The following CSMD1 variants were observed in gnomAD, a reference collection of about 807,000 sequenced individuals.
CSMD1 encodes CUB and sushi domain-containing protein 1.
In CSMD1, 213 loss-of-function variants were observed where a neutral mutation model predicts 417.5. That is an observed-to-expected ratio of 0.51 (90% CI 0.46 to 0.57). The LOEUF (loss-of-function observed/expected upper bound fraction) is 0.57, where lower values mean the gene tolerates loss of function less well. CSMD1 is among the 20% of genes least tolerant of loss of function. The pLI, the probability that CSMD1 is intolerant of heterozygous loss-of-function variation, is 0.00. For missense variants in CSMD1, 6,923 were observed against 4,529.7 expected (o/e 1.53, Z -15.17); for synonymous variants, 2,862 against 1,736.8 (o/e 1.65, Z -16.11).
At chr8:4,307,503 C>G (rs1418354705) in intron 3 of CSMD1, among the ~76,000 whole-genome samples, 1 of 152,078 alleles carries the variant, frequency 6.6e-6, no homozygotes, top group Non-Finnish European at 1.5e-5. Flanking sequence ...ACTTCACTAC[C>G]CTGTTATGTC....
At chr8:4,370,395 G>T (rs767990998) in intron 3 of CSMD1, among the ~76,000 whole-genome samples, 1 of 151,988 alleles carries the variant, frequency 6.6e-6, no homozygotes, top group Admixed American at 6.6e-5. Context: ...CACAGACCTT[G>T]GAAAATCTGA....
At chr8:3,001,048 C>T (rs538648277) in intron 52 of CSMD1, among the ~76,000 whole-genome samples, 89 of 151,908 alleles carry the variant, frequency 5.9e-4, no homozygotes, top group Non-Finnish European at 1.1e-3. Flanking sequence ...GGCACCATCA[C>T]GGCTCACCGT....
Position 4,038,917 on chromosome 8 carries a change from T to A in CSMD1, c.416-6818A>T, listed in dbSNP as rs1018400253. ...CACACGAAAATTCCCTCCGTAACACTTAATTTGGCAAGTACATATGGTCAC... is the reference window on the plus strand; with the variant it reads ...CACACGAAAATTCCCTCCGTAACACATAATTTGGCAAGTACATATGGTCAC... On this transcript the variant is annotated intron_variant, in intron 3 of 69. Coordinates refer to ENST00000635120, the MANE Select transcript of CSMD1 (RefSeq NM_033225.6). Among the ~76,000 whole-genome samples the A allele has an allele frequency of 2.6e-5, 4 of 152,160 alleles. No homozygotes were observed. The East Asian group carries it at 5.8e-4, about 22-fold the overall frequency.
intron 5 of CSMD1, among the ~76,000 whole-genome samples, chr8:3,774,875 C>T (rs1798814178): frequency 6.6e-6 from 1 of 152,132 alleles, no homozygotes; most frequent in Non-Finnish European, 1.5e-5. Context: ...ACACAGAGTG[C>T]TGAGCCCATA....
intron 1 of CSMD1, among the ~76,000 whole-genome samples, chr8:4,710,122 G>A (rs551500364): frequency 8.6e-5 from 13 of 152,032 alleles, no homozygotes; most frequent in African/African-American, 1.9e-4. Context: ...GATAACCTTC[G>A]CCTGGAGGTT....
At position 3,179,983 on chromosome 8, in the gene CSMD1, T is replaced by G. The variant is rs1585571978; in HGVS notation, c.5725+1127A>C. On this transcript the variant is annotated intron_variant, in intron 37 of 69. Coordinates refer to ENST00000635120, the MANE Select transcript of CSMD1 (RefSeq NM_033225.6). ...TTTATCATCAGCTGGCAATCTGGCC[T>G]TTCAAAAATATGCATGCATTTACAT... 2.0e-5 allele frequency among the ~76,000 whole-genome samples: 3 copies of G among 152,340 alleles called. No individual in the cohort carries two copies. In the South Asian group the frequency reaches 6.2e-4, roughly 32 times the overall value.
intron 18 of CSMD1, 98 bp downstream of exon 18, chr8:3,387,396 G>A (rs939075083): frequency 3.0e-6 from 3 of 996,310 alleles, no homozygotes; most frequent in Non-Finnish European, 4.4e-6. Context: ...CAGTCGTAAG[G>A]TACCACCCCC....
chr8:4,260,609 G>T (rs12677291), intron 3 of CSMD1, among the ~76,000 whole-genome samples: 1 of 152,000 alleles, frequency 6.6e-6, no homozygotes, highest in African/African-American at 2.4e-5. Flanking sequence ...CATATTTGTG[G>T]TTTTTAGAAT....
At chr8:4,370,220 A>C (rs1802319712) in intron 3 of CSMD1, among the ~76,000 whole-genome samples, 1 of 151,854 alleles carries the variant, frequency 6.6e-6, no homozygotes, top group African/African-American at 2.4e-5. Flanking sequence ...TTGGTGAGAT[A>C]CGAAATTCTT....
rs542719838 is a variant in CSMD1 at position 3,833,871 on chromosome 8, G to T, written c.819-79829C>A. Among the ~76,000 whole-genome samples the T allele has an allele frequency of 7.9e-5, 12 of 152,236 alleles. No homozygotes were observed. In the South Asian group the frequency reaches 2.3e-3, roughly 29 times the overall value. ...TTTAACTCCCAAACTTTGATTTGAAGTGTAGTTGTAAACACCAAGTCTATA... is the reference window on the plus strand; with the variant it reads ...TTTAACTCCCAAACTTTGATTTGAATTGTAGTTGTAAACACCAAGTCTATA... On this transcript the variant is annotated intron_variant, in intron 5 of 69. Transcript: ENST00000635120.
At chr8:3,666,104 C>T (rs1798680260) in intron 7 of CSMD1, among the ~76,000 whole-genome samples, 1 of 152,166 alleles carries the variant, frequency 6.6e-6, no homozygotes, top group Non-Finnish European at 1.5e-5. Flanking sequence ...CCATGTTGGC[C>T]AGGCTGGTCT....
chr8:4,226,091 C>CACACAT (rs1801338917), intron 3 of CSMD1, among the ~76,000 whole-genome samples: 2 of 151,604 alleles, frequency 1.3e-5, no homozygotes, highest in African/African-American at 4.9e-5. Context: ...CACACACACA[C>CACACAT]ACACACACAC....
At chr8:4,427,155 G>A (rs896918723) in intron 2 of CSMD1, among the ~76,000 whole-genome samples, 1 of 150,450 alleles carries the variant, frequency 6.6e-6, no homozygotes, top group South Asian at 2.1e-4. Flanking sequence ...GGTGAGGACA[G>A]AATCTACACA....
intron 1 of CSMD1, among the ~76,000 whole-genome samples, chr8:4,638,418 G>A (rs1351152859): frequency 6.6e-6 from 1 of 152,136 alleles, no homozygotes; most frequent in Admixed American, 6.5e-5. Context: ...TATGCATAAA[G>A]GAAGCTTATC....
chr8:3,969,831 G>A (rs1445020207), intron 5 of CSMD1, among the ~76,000 whole-genome samples: 1 of 152,132 alleles, frequency 6.6e-6, no homozygotes, highest in Non-Finnish European at 1.5e-5. Context: ...ATTTTTAAAT[G>A]AAGTATCCAT....
At chr8:3,130,370 A>C (rs1483485199) in intron 41 of CSMD1, among the ~76,000 whole-genome samples, 1 of 152,058 alleles carries the variant, frequency 6.6e-6, no homozygotes, top group Non-Finnish European at 1.5e-5. Flanking sequence ...GGTGTGTTGG[A>C]GCTGAAAGCC....
At chr8:4,287,460 G>C (rs1390154605) in intron 3 of CSMD1, among the ~76,000 whole-genome samples, 1 of 152,060 alleles carries the variant, frequency 6.6e-6, no homozygotes, top group East Asian at 1.9e-4. Flanking sequence ...AGTAATATTA[G>C]AAATGACAAG....
At chr8:4,699,203 T>G (rs1807351575) in intron 1 of CSMD1, among the ~76,000 whole-genome samples, 1 of 152,212 alleles carries the variant, frequency 6.6e-6, no homozygotes, top group African/African-American at 2.4e-5. Flanking sequence ...GTATGTAAAG[T>G]TAATACTCAA....
chr8:4,931,393 A>T (rs1298063832), intron 1 of CSMD1, among the ~76,000 whole-genome samples: 1 of 152,194 alleles, frequency 6.6e-6, no homozygotes, highest in African/African-American at 2.4e-5. Flanking sequence ...ATACTTCCTG[A>T]GTGACACTGA....
Sources: allele counts gnomAD v4.1 joint callset (sites outside exome capture counted in the v4.1 genomes callset), GRCh38; gene constraint gnomAD v4.1.1; transcripts MANE v1.5; gene names NCBI Gene and HGNC (gene_info 2026-07-23, HGNC 2026-07-21).